CTNND2: variants seen among roughly 807,000 people sequenced by gnomAD.
The protein encoded by CTNND2 is catenin delta 2.
In CTNND2, 22 loss-of-function variants were observed where a neutral mutation model predicts 144.4. The observed-to-expected ratio is 0.15, with a 90% CI of 0.11 to 0.22. The LOEUF (loss-of-function observed/expected upper bound fraction) is 0.22, where lower values mean the gene tolerates loss of function less well. Among genes scored for constraint, CTNND2 ranks in the 10% least tolerant of loss-of-function variants. The probability of loss-of-function intolerance (pLI) is 1.00; values close to 1 mark genes in which losing one functional copy is unlikely to be tolerated. For synonymous variants in CTNND2, 751 were observed against 695.6 expected (o/e 1.08, Z -1.25); for missense variants, 1,353 against 1,618.8 (o/e 0.84, Z 2.82).
chr5:11,078,908 C>A (rs1354391575), intron 16 of CTNND2, among the ~76,000 whole-genome samples: 1 of 152,150 alleles, frequency 6.6e-6, no homozygotes, highest in East Asian at 1.9e-4. Flanking sequence ...TAGCAAGTTG[C>A]AAGCTTATTT....
intron 9 of CTNND2, among the ~76,000 whole-genome samples, chr5:11,268,977 A>T (rs1172377618): frequency 6.6e-6 from 1 of 152,224 alleles, no homozygotes; most frequent in African/African-American, 2.4e-5. Flanking sequence ...CCTCATTTCA[A>T]CCATGCATAA....
At chr5:11,404,906 G>A (rs1351958949) in intron 5 of CTNND2, among the ~76,000 whole-genome samples, 1 of 150,360 alleles carries the variant, frequency 6.7e-6, no homozygotes. Context: ...CACTGTGCCT[G>A]GCCAATATTC....
At chr5:11,180,484 C>T (rs16901378) in intron 11 of CTNND2, among the ~76,000 whole-genome samples, 9,304 of 152,164 alleles carry the variant, frequency 0.061, 399 homozygotes, top group South Asian at 0.14. Context: ...AACATAATAG[C>T]GATTGGTTGA....
intron 15 of CTNND2, among the ~76,000 whole-genome samples, chr5:11,095,424 T>A (rs1019311666): frequency 6.6e-6 from 1 of 152,206 alleles, no homozygotes; most frequent in Non-Finnish European, 1.5e-5. Context: ...CATCTGAGGA[T>A]GGCCTGGAAC....
intron 3 of CTNND2, among the ~76,000 whole-genome samples, chr5:11,513,090 G>T (rs1277931802): frequency 3.3e-5 from 5 of 152,086 alleles, no homozygotes; most frequent in African/African-American, 1.2e-4. Context: ...ATGTTAGTCT[G>T]CATCAGAGCC....
intron 20 of CTNND2, among the ~76,000 whole-genome samples, chr5:10,983,349 C>G (rs1459960447): frequency 6.6e-6 from 1 of 152,002 alleles, no homozygotes; most frequent in Non-Finnish European, 1.5e-5. Flanking sequence ...GGGTATAAAA[C>G]ACTCTAAAAC....
chr5:11,717,739 C>T (rs1051398670), intron 2 of CTNND2, among the ~76,000 whole-genome samples: 2 of 152,062 alleles, frequency 1.3e-5, no homozygotes, highest in Non-Finnish European at 2.9e-5. Flanking sequence ...AGAGATTGTG[C>T]AGGGGAATTC....
At chr5:11,103,722 T>C (rs1201938408) in intron 14 of CTNND2, among the ~76,000 whole-genome samples, 1 of 128,430 alleles carries the variant, frequency 7.8e-6, no homozygotes, top group African/African-American at 3.1e-5. Flanking sequence ...CAACATACTA[T>C]ATTAAAAAAA....
At chr5:10,997,700 A>G (rs1423921105) in intron 18 of CTNND2, among the ~76,000 whole-genome samples, 2 of 152,248 alleles carry the variant, frequency 1.3e-5, no homozygotes, top group African/African-American at 4.8e-5. Flanking sequence ...TGTTTGTCTC[A>G]TTGCAATGTA....
chr5:11,265,994 G>T (rs1745403653), intron 9 of CTNND2, among the ~76,000 whole-genome samples: 2 of 152,074 alleles, frequency 1.3e-5, no homozygotes, highest in Non-Finnish European at 2.9e-5. Flanking sequence ...AGAGGTGTGA[G>T]CCACCAGGCC....
At chr5:11,451,064 A>T (rs1213691584) in intron 3 of CTNND2, among the ~76,000 whole-genome samples, 1 of 151,802 alleles carries the variant, frequency 6.6e-6, no homozygotes, top group African/African-American at 2.4e-5. Context: ...GCAAATGTAG[A>T]AATTTTAAAA....
chr5:11,709,749 T>A (rs935970868), intron 2 of CTNND2, among the ~76,000 whole-genome samples: 1 of 152,192 alleles, frequency 6.6e-6, no homozygotes, highest in African/African-American at 2.4e-5. Context: ...AAGTATAAGG[T>A]TGGACTCCTT....
At chr5:11,502,259 T>G (rs760146664) in intron 3 of CTNND2, among the ~76,000 whole-genome samples, 12 of 152,140 alleles carry the variant, frequency 7.9e-5, no homozygotes, top group Non-Finnish European at 1.2e-4. Context: ...ACTAACGCAT[T>G]TATTATGCAA....
intron 9 of CTNND2, among the ~76,000 whole-genome samples, chr5:11,295,401 T>C (rs1311445): frequency 3.3e-5 from 5 of 151,994 alleles, no homozygotes; most frequent in East Asian, 1.9e-4. Context: ...AAAATGGCCA[T>C]ACTGCCCAAG....
chr5:11,387,970 C>T (rs918906615), intron 6 of CTNND2, among the ~76,000 whole-genome samples: 26 of 152,030 alleles, frequency 1.7e-4, no homozygotes, highest in African/African-American at 5.8e-4. Flanking sequence ...GTGCTGAATA[C>T]GACTGTCTCC....
At chr5:11,010,676 C>T (rs1740978500) in intron 18 of CTNND2, among the ~76,000 whole-genome samples, 1 of 152,224 alleles carries the variant, frequency 6.6e-6, no homozygotes, top group South Asian at 2.1e-4. Context: ...AATCTACAGG[C>T]ATTCCCTTAC....
chr5:11,760,049 CAAAAAAAA>C (rs33988550), intron 1 of CTNND2, among the ~76,000 whole-genome samples: 2 of 117,638 alleles, frequency 1.7e-5, no homozygotes, highest in African/African-American at 2.9e-5. Flanking sequence ...GTACTGGATG[CAAAAAAAA>C]AAAAAAAAAA....
intron 20 of CTNND2, among the ~76,000 whole-genome samples, chr5:10,984,329 G>C (rs536699460): frequency 6.6e-6 from 1 of 152,352 alleles, no homozygotes; most frequent in Non-Finnish European, 1.5e-5. Flanking sequence ...ACCTTAGATA[G>C]ATCTGCCTTC....
chr5:11,091,638 G>A (rs74765001), intron 15 of CTNND2, among the ~76,000 whole-genome samples: 8,419 of 152,174 alleles, frequency 0.055, 745 homozygotes, highest in African/African-American at 0.19. Context: ...ATCCTTTTGG[G>A]TCTAATTTAA....
Sources: gnomAD v4.1 joint callset for allele counts (sites outside exome capture counted in the v4.1 genomes callset) on GRCh38, gnomAD v4.1.1 for gene constraint, MANE v1.5 for transcripts, NCBI Gene and HGNC (gene_info 2026-07-23, HGNC 2026-07-21) for gene names.